The following SUPT3H variants were observed in gnomAD, a reference collection of about 807,000 sequenced individuals.
SUPT3H encodes transcription initiation protein SPT3 homolog.
SUPT3H carries 44 observed loss-of-function variants against 44.3 expected under a neutral mutation model. That is an observed-to-expected ratio of 0.99 (90% CI 0.78 to 1.28). SUPT3H has a LOEUF of 1.28. Ranked by LOEUF, SUPT3H falls within the 50% of genes most tolerant of loss-of-function variation. SUPT3H has a pLI of 0.00. For missense variants in SUPT3H, 380 were observed against 387.1 expected (o/e 0.98, Z 0.15); for synonymous variants, 124 against 125.6 (o/e 0.99, Z 0.09).
intron 11 of SUPT3H, among the ~76,000 whole-genome samples, chr6:44,820,832 G>A (rs1449653289): frequency 6.6e-6 from 1 of 152,166 alleles, no homozygotes; most frequent in South Asian, 2.1e-4. Flanking sequence ...AGGGTGGTCA[G>A]AGAAGGTCTT....
At chr6:45,356,109 T>A (rs1178271448) in intron 2 of SUPT3H, among the ~76,000 whole-genome samples, 1 of 152,142 alleles carries the variant, frequency 6.6e-6, no homozygotes, top group African/African-American at 2.4e-5. Context: ...TCTAGAAAAG[T>A]GGTTGTGTAC....
At position 44,982,025 on chromosome 6, in the gene SUPT3H, AGT is replaced by A. The variant is rs1207932125; in HGVS notation, c.505-20199_505-20198del. Reference sequence around the variant, plus strand: ...TATTGTGCTCCAGCCTGGTCAACAGAGTGAGATCCTGTGTCTAAAACAAAGCA... The same window carrying A: ...TATTGTGCTCCAGCCTGGTCAACAGAGAGATCCTGTGTCTAAAACAAAGCA... On this transcript the variant is annotated intron_variant, in intron 6 of 10. Transcript: ENST00000371459. Among the ~76,000 whole-genome samples the A allele has an allele frequency of 2.0e-5, 3 of 152,280 alleles. No homozygotes were observed. The East Asian group carries it at 5.8e-4, about 29-fold the overall frequency.
intron 4 of SUPT3H, among the ~76,000 whole-genome samples, chr6:45,019,685 A>G (rs947600955): frequency 2.0e-5 from 3 of 151,952 alleles, no homozygotes; most frequent in African/African-American, 7.2e-5. Context: ...GTTTCTTTGC[A>G]TCTGGCGCCT....
At chr6:45,297,185 G>C (rs1208420198) in intron 2 of SUPT3H, among the ~76,000 whole-genome samples, 2 of 151,698 alleles carry the variant, frequency 1.3e-5, no homozygotes, top group Non-Finnish European at 2.9e-5. Flanking sequence ...CATTATACAA[G>C]AAAAATTTTA....
chr6:45,147,552 A>G (rs1274575070), intron 2 of SUPT3H, among the ~76,000 whole-genome samples: 1 of 152,066 alleles, frequency 6.6e-6, no homozygotes, highest in Non-Finnish European at 1.5e-5. Flanking sequence ...GGAGAGATAT[A>G]TATAAAGGAA....
intron 2 of SUPT3H, among the ~76,000 whole-genome samples, chr6:45,129,765 TA>T (rs1356851540): frequency 2.0e-5 from 3 of 152,206 alleles, no homozygotes; most frequent in Admixed American, 6.5e-5. Flanking sequence ...TGGATTTTTT[TA>T]AAAAAATCCA....
intron 10 of SUPT3H, among the ~76,000 whole-genome samples, chr6:44,896,092 G>A (rs1008287271): frequency 1.3e-5 from 2 of 152,040 alleles, no homozygotes; most frequent in Non-Finnish European, 2.9e-5. Context: ...AAAAAACGCT[G>A]GGAGAGTGTG....
chr6:45,114,500 AAT>A (rs1491507834), intron 2 of SUPT3H, among the ~76,000 whole-genome samples: 1 of 152,098 alleles, frequency 6.6e-6, no homozygotes, highest in Non-Finnish European at 1.5e-5. Flanking sequence ...TAAATCAGAA[AAT>A]TTTTTTAAAA....
intron 10 of SUPT3H, among the ~76,000 whole-genome samples, chr6:44,862,551 C>T (rs902777578): frequency 1.3e-5 from 2 of 151,652 alleles, no homozygotes; most frequent in Non-Finnish European, 2.9e-5. Context: ...GTGGCAGGCA[C>T]CTGTAACCCC....
In SUPT3H at chr6:45,261,133, GACAT is replaced by G. The variant is rs561176894; in HGVS notation, c.101+104064_101+104067del. ...GCAAATTCACAGCCAAATCCTACTA[GACAT>G]ACAAAGAAGAGCTAGTACCAATCCT... is the stretch of plus-strand genomic sequence containing the variant. On this transcript the variant is annotated intron_variant, in intron 2 of 10. Transcript: ENST00000371459. Among the ~76,000 whole-genome samples, 796 of 151,958 alleles carry G rather than the reference GACAT, an allele frequency of 5.2e-3. 5 individuals carry two copies. The highest frequency in any genetic ancestry group is 0.019 in the South Asian group (91 of 4,818).
chr6:45,284,895 T>C lies in SUPT3H; in HGVS notation c.101+80306A>G, dbSNP rs147018368. 2.1e-3 allele frequency among the ~76,000 whole-genome samples: 326 copies of C among 152,286 alleles called. 1 individual carries two copies. The highest frequency in any genetic ancestry group is 7.5e-3 in the African/African-American group (311 of 41,572). ...AGTGCATCAAAAAGCTTATCCACCATGATCAAGTGGGCTTCATCCCTGGGA... is the reference window on the plus strand; with the variant it reads ...AGTGCATCAAAAAGCTTATCCACCACGATCAAGTGGGCTTCATCCCTGGGA... On this transcript the variant is annotated intron_variant, in intron 2 of 10. Coordinates refer to ENST00000371459, the MANE Select transcript of SUPT3H (RefSeq NM_003599.4).
chr6:45,065,245 A>T (rs200868832), intron 3 of SUPT3H, among the ~76,000 whole-genome samples: 18,670 of 148,280 alleles, frequency 0.13, 1,362 homozygotes, highest in East Asian at 0.25. Context: ...AGAAATAAAG[A>T]TGTTCTTTGA....
In SUPT3H at chr6:44,917,308, G is replaced by A. The variant is rs548413831; in HGVS notation, c.912+15345C>T. 1.1e-4 allele frequency among the ~76,000 whole-genome samples: 17 copies of A among 152,190 alleles called. No homozygotes were observed. The South Asian group carries it at 3.5e-3, about 32-fold the overall frequency. The stretch of plus-strand genomic sequence containing the variant: ...GTTCATTAAATTTTTGGTTCATTTA[G>A]GATAATCATTTTAAATGAGACTGTA... On this transcript the variant is annotated intron_variant, in intron 10 of 10. Coordinates refer to ENST00000371459, the MANE Select transcript of SUPT3H (RefSeq NM_003599.4).
chr6:44,959,162 T>C (rs1175393271), intron 7 of SUPT3H, among the ~76,000 whole-genome samples: 1 of 152,116 alleles, frequency 6.6e-6, no homozygotes, highest in Non-Finnish European at 1.5e-5. Context: ...AGCACTAGGA[T>C]TACAGGCGTG....
chr6:45,371,682 TG>T (rs1796091545), intron 1 of SUPT3H, among the ~76,000 whole-genome samples: 1 of 152,226 alleles, frequency 6.6e-6, no homozygotes, highest in Non-Finnish European at 1.5e-5. Context: ...GGGACTTACA[TG>T]GTCATTAAGT....
At chr6:45,282,496 A>AT (rs1246308657) in intron 2 of SUPT3H, among the ~76,000 whole-genome samples, 1 of 152,238 alleles carries the variant, frequency 6.6e-6, no homozygotes, top group East Asian at 1.9e-4. Flanking sequence ...GTGATGGAAG[A>AT]TCAAATGAAT....
At chr6:45,273,749 A>G (rs1776582255) in intron 2 of SUPT3H, among the ~76,000 whole-genome samples, 1 of 152,172 alleles carries the variant, frequency 6.6e-6, no homozygotes, top group Non-Finnish European at 1.5e-5. Context: ...TTTTTTGACT[A>G]TTAGAAATAA....
chr6:45,373,944 C>T (rs1373668852), intron 1 of SUPT3H, among the ~76,000 whole-genome samples: 2 of 152,200 alleles, frequency 1.3e-5, no homozygotes, highest in Non-Finnish European at 2.9e-5. Context: ...ATTTACACAA[C>T]AATTTTTGCA....
intron 2 of SUPT3H, among the ~76,000 whole-genome samples, chr6:45,203,697 T>A (rs982884685): frequency 6.6e-6 from 1 of 152,190 alleles, no homozygotes; most frequent in Non-Finnish European, 1.5e-5. Context: ...AGTTTTACTT[T>A]GTACCTCTCC....
Sources: gnomAD v4.1 joint callset for allele counts (sites outside exome capture counted in the v4.1 genomes callset) on GRCh38, gnomAD v4.1.1 for gene constraint, MANE v1.5 for transcripts, NCBI Gene and HGNC (gene_info 2026-07-23, HGNC 2026-07-21) for gene names.